Variants in ADGRL3 observed in about 807,000 individuals in gnomAD.
ADGRL3 encodes adhesion G protein-coupled receptor L3.
ADGRL3 carries 62 observed loss-of-function variants against 153.5 expected under a neutral mutation model. The ratio of observed to expected loss-of-function variants is 0.40; its 90% CI spans 0.33 to 0.50. ADGRL3 has a LOEUF of 0.50. ADGRL3 is among the 20% of genes least tolerant of loss of function. The probability of loss-of-function intolerance (pLI) is 0.47; values close to 1 mark genes in which losing one functional copy is unlikely to be tolerated. For missense variants in ADGRL3, 1,641 were observed against 1,859.4 expected (o/e 0.88, Z 2.16); for synonymous variants, 710 against 672.5 (o/e 1.06, Z -0.86).
intron 3 of ADGRL3, among the ~76,000 whole-genome samples, chr4:61,513,643 G>A (rs568812165): frequency 6.6e-6 from 1 of 152,020 alleles, no homozygotes; most frequent in Non-Finnish European, 1.5e-5. Flanking sequence ...CAAATATAAG[G>A]ATGATTTGTA....
chr4:61,431,903 T>C (rs1338321455), intron 2 of ADGRL3, among the ~76,000 whole-genome samples: 1 of 152,176 alleles, frequency 6.6e-6, no homozygotes, highest in Non-Finnish European at 1.5e-5. Context: ...TCTTCATAAG[T>C]AAAATGGGGA....
chr4:61,511,791 C>T (rs191334712), intron 3 of ADGRL3, among the ~76,000 whole-genome samples: 1 of 152,078 alleles, frequency 6.6e-6, no homozygotes, highest in African/African-American at 2.4e-5. Flanking sequence ...TTATAAGACC[C>T]AGAATTGAAA....
At chr4:61,377,678 C>T (rs1199427936) in intron 1 of ADGRL3, among the ~76,000 whole-genome samples, 1 of 151,894 alleles carries the variant, frequency 6.6e-6, no homozygotes, top group Non-Finnish European at 1.5e-5. Flanking sequence ...GTAAAGTTTA[C>T]ACCTTCTTTC....
chr4:62,028,895 G>A lies in ADGRL3; in HGVS notation c.3422+14G>A, dbSNP rs749335564. 5 of 1,602,938 alleles carry A rather than the reference G, an allele frequency of 3.1e-6. No individual in the cohort carries two copies. Among genetic ancestry groups the A allele is most frequent in the East Asian group, 2.2e-5 (1 of 44,542 alleles). Reference sequence around the variant, plus strand: ...ACCCTTCATCAAGTAAGAATGACCTGAATGGCTGATAAATTCCGTTTATCA... The same window carrying A: ...ACCCTTCATCAAGTAAGAATGACCTAAATGGCTGATAAATTCCGTTTATCA... On this transcript the variant is annotated intron_variant, in intron 22 of 26. Coordinates refer to ENST00000683033, the MANE Select transcript of ADGRL3 (RefSeq NM_001387552.1).
chr4:61,347,059 G>GT (rs1371555388), intron 1 of ADGRL3, among the ~76,000 whole-genome samples: 5 of 152,036 alleles, frequency 3.3e-5, no homozygotes, highest in African/African-American at 1.2e-4. Flanking sequence ...AGAGCTTCTT[G>GT]TAAGTGTATA....
chr4:61,280,006 C>A (rs1448982855), intron 1 of ADGRL3, among the ~76,000 whole-genome samples: 1 of 151,954 alleles, frequency 6.6e-6, no homozygotes, highest in Non-Finnish European at 1.5e-5. Context: ...TGTTGTGGTA[C>A]CTTCATCCCA....
At chr4:61,372,807 G>C (rs2096552316) in intron 1 of ADGRL3, among the ~76,000 whole-genome samples, 1 of 152,188 alleles carries the variant, frequency 6.6e-6, no homozygotes, top group African/African-American at 2.4e-5. Flanking sequence ...CCTGGGCAAT[G>C]GCGGGCGCCC....
intron 1 of ADGRL3, among the ~76,000 whole-genome samples, chr4:61,262,883 A>G (rs2092624997): frequency 6.6e-6 from 1 of 152,074 alleles, no homozygotes; most frequent in African/African-American, 2.4e-5. Flanking sequence ...CTGTAACTCA[A>G]CCAGAGAAGG....
chr4:61,428,893 TCATC>T (rs1560616518), intron 2 of ADGRL3, among the ~76,000 whole-genome samples: 3 of 76,296 alleles, frequency 3.9e-5, no homozygotes, highest in Non-Finnish European at 6.4e-5. Flanking sequence ...TCTATCTATA[TCATC>T]TATCTATCTA....
At chr4:61,752,182 C>A (rs1265586215) in intron 8 of ADGRL3, among the ~76,000 whole-genome samples, 11 of 151,974 alleles carry the variant, frequency 7.2e-5, no homozygotes, top group Admixed American at 7.2e-4. Context: ...GGCTCTGTAA[C>A]CAAAAACAGA....
chr4:61,259,471 GC>G (rs2092330793), intron 1 of ADGRL3, among the ~76,000 whole-genome samples: 1 of 148,622 alleles, frequency 6.7e-6, no homozygotes, highest in South Asian at 2.1e-4. Flanking sequence ...AATAAATAAG[GC>G]ATGACAATTT....
At chr4:61,686,582 T>G (rs2095447985) in intron 6 of ADGRL3, among the ~76,000 whole-genome samples, 1 of 152,094 alleles carries the variant, frequency 6.6e-6, no homozygotes, top group Non-Finnish European at 1.5e-5. Flanking sequence ...CGTTGTGTAA[T>G]GATCAAATCA....
At chr4:61,653,414 G>A (rs1430573334) in intron 5 of ADGRL3, among the ~76,000 whole-genome samples, 1 of 152,156 alleles carries the variant, frequency 6.6e-6, no homozygotes, top group Non-Finnish European at 1.5e-5. Context: ...GTACGCCCAA[G>A]ACAAAATGGA....
At chr4:61,597,338 G>C (rs912736736) in intron 5 of ADGRL3, among the ~76,000 whole-genome samples, 8 of 152,186 alleles carry the variant, frequency 5.3e-5, no homozygotes, top group African/African-American at 1.9e-4. Context: ...CTGTCTATGG[G>C]TTAAAAGGTG....
chr4:61,661,815 T>C (rs954077124), intron 5 of ADGRL3, among the ~76,000 whole-genome samples: 1 of 152,172 alleles, frequency 6.6e-6, no homozygotes, highest in African/African-American at 2.4e-5. Context: ...AGCAATCTTA[T>C]TTGGGATCAA....
chr4:61,687,309 T>G (rs977659530), intron 6 of ADGRL3, among the ~76,000 whole-genome samples: 1 of 151,946 alleles, frequency 6.6e-6, no homozygotes, highest in African/African-American at 2.4e-5. Flanking sequence ...GATGGGAGGT[T>G]ATTCTGGATT....
intron 9 of ADGRL3, among the ~76,000 whole-genome samples, chr4:61,886,767 G>A (rs553595011): frequency 6.6e-6 from 1 of 151,646 alleles, no homozygotes; most frequent in African/African-American, 2.4e-5. Flanking sequence ...TCAGCGTCCT[G>A]AGTAGCTGGG....
intron 8 of ADGRL3, among the ~76,000 whole-genome samples, chr4:61,750,529 C>T (rs1290471128): frequency 1.3e-5 from 2 of 152,162 alleles, no homozygotes; most frequent in African/African-American, 4.8e-5. Context: ...CGGTGGCTCA[C>T]GCCTGTAATC....
At chr4:61,422,806 G>A (rs987632480) in intron 2 of ADGRL3, among the ~76,000 whole-genome samples, 4 of 148,514 alleles carry the variant, frequency 2.7e-5, no homozygotes, top group Non-Finnish European at 4.4e-5. Context: ...TATATAAATA[G>A]ATAAAAAATA....
Sources: allele counts gnomAD v4.1 joint callset (sites outside exome capture counted in the v4.1 genomes callset), GRCh38; gene constraint gnomAD v4.1.1; transcripts MANE v1.5; gene names NCBI Gene and HGNC (gene_info 2026-07-23, HGNC 2026-07-21).